The following RANBP2 variants were observed in gnomAD, a reference collection of about 807,000 sequenced individuals.
The protein encoded by RANBP2 is RAN binding protein 2, also known as E3 SUMO-protein ligase RanBP2.
A neutral mutation model predicts 303.6 loss-of-function variants in RANBP2; 57 were observed. The ratio of observed to expected loss-of-function variants is 0.19; its 90% confidence interval spans 0.15 to 0.23. The LOEUF is 0.23. RANBP2 is among the 10% of genes least tolerant of loss of function. The pLI is 1.00. For missense variants in RANBP2, 3,138 were observed against 3,780.8 expected, an observed-to-expected ratio of 0.83 and a Z score of 4.46; for synonymous variants, 1,167 against 1,301.5, an observed-to-expected ratio of 0.90 and a Z score of 2.23.
chr2:109,166,539 A>C, the RANBP2 span, among the ~76,000 whole-genome samples: 1 of 152,116 alleles, frequency 6.6e-6, no homozygotes, highest in Non-Finnish European at 1.5e-5. Context: ...TCTCTGCTCA[A>C]TGTCAGCCAT....
At chr2:109,406,573 A>G in the RANBP2 span, among the ~76,000 whole-genome samples, 1 of 152,158 alleles carries the variant, frequency 6.6e-6, no homozygotes, top group Non-Finnish European at 1.5e-5. Context: ...TCTAGCCACT[A>G]CTTGTTTTGG....
At chr2:109,799,210 G>C in the RANBP2 span, among the ~76,000 whole-genome samples, 2 of 108,754 alleles carry the variant, frequency 1.8e-5, no homozygotes, top group Admixed American at 1.9e-4. Flanking sequence ...CCGCACTCCA[G>C]CCTGGCGACA....
chr2:108,770,217 A>T (rs1677402065), intron 20 of RANBP2, among the ~76,000 whole-genome samples: 1 of 152,208 alleles, frequency 6.6e-6, no homozygotes, highest in Admixed American at 6.5e-5. Flanking sequence ...TGAAGACTTT[A>T]GACATGAGTA....
At chr2:109,094,829 T>TCAAACAAA in the RANBP2 span, among the ~76,000 whole-genome samples, 6 of 152,088 alleles carry the variant, frequency 3.9e-5, no homozygotes, top group Non-Finnish European at 8.8e-5. Context: ...AGTCTCCATC[T>TCAAACAAA]CAAACAAACA....
At chr2:109,637,975 C>G in the RANBP2 span, among the ~76,000 whole-genome samples, 2 of 152,084 alleles carry the variant, frequency 1.3e-5, no homozygotes, top group Non-Finnish European at 2.9e-5. Flanking sequence ...AACCAACAAA[C>G]AAAAAATAGT....
At chr2:109,615,038 C>T in the RANBP2 span, 43 of 1,548,006 alleles carry the variant, frequency 2.8e-5, no homozygotes, top group Non-Finnish European at 3.7e-5. Context: ...CACATGGCTG[C>T]GAGGAGGCGG....
the RANBP2 span, among the ~76,000 whole-genome samples, chr2:109,354,400 C>T: frequency 2.0e-5 from 3 of 152,318 alleles, no homozygotes; most frequent in South Asian, 2.1e-4. Context: ...AGAAAAGTGG[C>T]GCAGCGTTCA....
the RANBP2 span, among the ~76,000 whole-genome samples, chr2:109,133,871 C>G: frequency 6.6e-6 from 1 of 152,130 alleles, no homozygotes; most frequent in Admixed American, 6.5e-5. Flanking sequence ...CTTCCCCAGG[C>G]AGGAGTGGCT....
the RANBP2 span, among the ~76,000 whole-genome samples, chr2:109,760,889 T>G: frequency 8.7e-4 from 56 of 64,414 alleles, no homozygotes; most frequent in African/African-American, 1.3e-3. Flanking sequence ...GGGGGTGGGG[T>G]GGGTCGGGGG....
the RANBP2 span, among the ~76,000 whole-genome samples, chr2:109,716,238 T>C: frequency 1.3e-5 from 2 of 151,986 alleles, no homozygotes; most frequent in Admixed American, 6.6e-5. Context: ...ACTTATTATT[T>C]TATTTTTTTT....
the RANBP2 span, chr2:109,347,596 C>T: frequency 5.9e-6 from 9 of 1,530,334 alleles, no homozygotes; most frequent in Admixed American, 3.9e-5. Context: ...TGAGAAGCCC[C>T]GGCCTGCCCC....
the RANBP2 span, among the ~76,000 whole-genome samples, chr2:108,903,535 A>T: frequency 6.6e-6 from 1 of 152,318 alleles, no homozygotes; most frequent in East Asian, 1.9e-4. Flanking sequence ...TTGTGGTATT[A>T]TCAGAGGGAC....
chr2:109,493,510 TCACA>T, the RANBP2 span, among the ~76,000 whole-genome samples: 1 of 148,652 alleles, frequency 6.7e-6, no homozygotes, highest in Non-Finnish European at 1.5e-5. Flanking sequence ...AACACATACC[TCACA>T]CACACCATTG....
chr2:109,268,067 T>C, the RANBP2 span, among the ~76,000 whole-genome samples: 507 of 151,440 alleles, frequency 3.3e-3, 2 homozygotes, highest in African/African-American at 8.5e-3. Flanking sequence ...GACTGTCCCC[T>C]AATCCCACCT....
chr2:108,724,960 A>T (rs2378188), intron 1 of RANBP2, among the ~76,000 whole-genome samples: 2 of 152,152 alleles, frequency 1.3e-5, no homozygotes, highest in African/African-American at 4.8e-5. Flanking sequence ...GTGAGACTCC[A>T]TCTGAATTAA....
At chr2:109,279,583 G>A in the RANBP2 span, among the ~76,000 whole-genome samples, 1 of 152,192 alleles carries the variant, frequency 6.6e-6, no homozygotes, top group Non-Finnish European at 1.5e-5. Context: ...TGCCTAGTGG[G>A]TGGGATTTCA....
At chr2:109,633,118 G>A in the RANBP2 span, among the ~76,000 whole-genome samples, 2 of 152,136 alleles carry the variant, frequency 1.3e-5, no homozygotes, top group South Asian at 2.1e-4. Flanking sequence ...AGGGACGGTC[G>A]TGGTGGCTCA....
chr2:109,136,303 A>G, the RANBP2 span, among the ~76,000 whole-genome samples: 2 of 152,100 alleles, frequency 1.3e-5, no homozygotes, highest in African/African-American at 2.4e-5. Flanking sequence ...GGCCAAGGTC[A>G]ATTTTTATCA....
At chr2:109,288,737 A>G in the RANBP2 span, among the ~76,000 whole-genome samples, 1 of 152,182 alleles carries the variant, frequency 6.6e-6, no homozygotes, top group African/African-American at 2.4e-5. Context: ...AACATGGGTA[A>G]AAGTTGTCAT....
Sources: gnomAD v4.1 joint callset for allele counts (sites outside exome capture counted in the v4.1 genomes callset) on GRCh38, gnomAD v4.1.1 for gene constraint, MANE v1.5 for transcripts, NCBI Gene and HGNC (gene_info 2026-07-23, HGNC 2026-07-21) for gene names.